Variants in SGK3 observed in about 807,000 individuals in gnomAD.
The protein encoded by SGK3 is serine/threonine-protein kinase Sgk3.
Under a neutral mutation model 68.5 loss-of-function variants are expected in SGK3, and 47 were observed. The observed-to-expected ratio is 0.69, with a 90% confidence interval of 0.54 to 0.87. SGK3 has a LOEUF of 0.87. SGK3 is among the 40% of genes least tolerant of loss of function. The pLI is 0.00. For missense variants in SGK3, 479 were observed against 575.5 expected, an observed-to-expected ratio of 0.83 and a Z score of 1.72; for synonymous variants, 181 against 189.1, an observed-to-expected ratio of 0.96 and a Z score of 0.35.
chr8:66,805,823 C>T (rs1312209492), intron 4 of SGK3, among the ~76,000 whole-genome samples: 2 of 152,200 alleles, frequency 1.3e-5, no homozygotes, highest in Non-Finnish European at 2.9e-5. Context: ...ACTGATAATA[C>T]CTCACATGTC....
chr8:66,755,566 C>G (rs2130443967), intron 1 of SGK3, among the ~76,000 whole-genome samples: 1 of 152,200 alleles, frequency 6.6e-6, no homozygotes, highest in Non-Finnish European at 1.5e-5. Flanking sequence ...CTGCTGGTCT[C>G]AGAATCCTTC....
chr8:66,793,760 C>G lies in SGK3; in HGVS notation c.24C>G (p.Asp8Glu), dbSNP rs1485724176. The change falls in exon 2 of 17, where the codon GAC becomes GAG. Residue 8 changes from aspartate to glutamate, a missense_variant. Physicochemically the swap from Asp to Glu is conservative, Grantham distance 45. Transcript: ENST00000521198. Reference sequence around the variant, plus strand: ...AAATGCAAAGAGATCACACCATGGACTACAAGGAAAGCTGCCCAAGTGTAA... The same window carrying G: ...AAATGCAAAGAGATCACACCATGGAGTACAAGGAAAGCTGCCCAAGTGTAA... MQRDHTMDYKESCPSVSI... is the reference protein window; with the variant it reads MQRDHTMEYKESCPSVSI... The G allele has an allele frequency of 1.2e-6, 2 of 1,613,254 alleles. No homozygotes were observed. Among genetic ancestry groups the G allele is most frequent in the South Asian group, 2.2e-5 (2 of 90,986 alleles).
intron 1 of SGK3, among the ~76,000 whole-genome samples, chr8:66,751,766 A>G (rs929028968): frequency 2.0e-5 from 3 of 151,300 alleles, no homozygotes; most frequent in Non-Finnish European, 4.4e-5. Context: ...TTATTTATTT[A>G]TTTATTTATT....
chr8:66,745,105 G>A (rs1461866668), intron 1 of SGK3, among the ~76,000 whole-genome samples: 1 of 151,516 alleles, frequency 6.6e-6, no homozygotes, highest in African/African-American at 2.4e-5. Context: ...TCTTTTAATA[G>A]ACAAAACCCA....
At chr8:66,766,255 G>A (rs1806314217) in intron 1 of SGK3, among the ~76,000 whole-genome samples, 2 of 152,060 alleles carry the variant, frequency 1.3e-5, no homozygotes, top group Admixed American at 1.3e-4. Flanking sequence ...GGGTGTGGTG[G>A]CTCACACCTG....
chr8:66,824,515 G>A (rs1377270821), intron 6 of SGK3, among the ~76,000 whole-genome samples: 1 of 151,926 alleles, frequency 6.6e-6, no homozygotes, highest in Non-Finnish European at 1.5e-5. Flanking sequence ...GGTAAAACAA[G>A]CACCCTTGGT....
chr8:66,854,938 C>A (rs1328260107), intron 16 of SGK3, among the ~76,000 whole-genome samples: 2 of 151,926 alleles, frequency 1.3e-5, no homozygotes. Flanking sequence ...TTTTTGAGCC[C>A]AGGAGTTCAA....
chr8:66,843,459 C>T lies in SGK3; in HGVS notation c.986C>T (p.Ala329Val). 6.2e-7 allele frequency: 1 copy of T among 1,613,072 alleles called. No homozygotes were observed. Residue 329 changes from alanine to valine, a missense_variant, in exon 14 of 17, where the codon GCA becomes GTA. Around this residue, in one of 3 missense-constraint regions of SGK3, gnomAD observed 173 missense variants for 214.3 expected, o/e 0.81. Coordinates refer to ENST00000521198, the MANE Select transcript of SGK3 (RefSeq NM_001033578.3). ...TTTTATTGTTTTCTATAGTATCTTG[C>T]ACCTGAAGTAATTAGAAAACAGCCC... ...TTFCGTPEYL[A>V]PEVIRKQPYD...
chr8:66,847,115 C>T, intron 14 of SGK3, 78 bp from the exon 15 acceptor site: 2 of 1,548,970 alleles, frequency 1.3e-6, no homozygotes, highest in Non-Finnish European at 1.7e-6. Context: ...ACTGCTCCCT[C>T]AAGATTAAAG....
chr8:66,749,713 A>G (rs1055548407), intron 1 of SGK3, among the ~76,000 whole-genome samples: 1 of 152,074 alleles, frequency 6.6e-6, no homozygotes, highest in Non-Finnish European at 1.5e-5. Flanking sequence ...TTGAAATTAG[A>G]GACGATTGAT....
intron 1 of SGK3, among the ~76,000 whole-genome samples, chr8:66,717,383 G>T (rs960411722): frequency 1.3e-5 from 2 of 152,036 alleles, no homozygotes; most frequent in African/African-American, 4.8e-5. Flanking sequence ...TACAAAATTA[G>T]CTGGGGATGG....
In SGK3 at chr8:66,859,622, T is replaced by C. The variant is rs774511558; in HGVS notation, c.*41T>C. 3 of 1,559,426 alleles carry C rather than the reference T, an allele frequency of 1.9e-6. No homozygotes were observed. Among genetic ancestry groups the C allele is most frequent in the African/African-American group, 1.4e-5 (1 of 73,910 alleles). On this transcript the variant is annotated 3_prime_UTR_variant, in exon 17 of 17. Coordinates refer to ENST00000521198, the MANE Select transcript of SGK3 (RefSeq NM_001033578.3). ...GAAACCATTGAGCAAAATAAGTCTA[T>C]AGATGGGACTGAAACTTCTATTTGT...
chr8:66,857,048 A>G (rs560977906), intron 16 of SGK3, among the ~76,000 whole-genome samples: 2 of 152,262 alleles, frequency 1.3e-5, no homozygotes, highest in East Asian at 3.9e-4. Context: ...AGCCAAGATC[A>G]CGCCACTGCA....
intron 1 of SGK3, among the ~76,000 whole-genome samples, chr8:66,744,902 T>C (rs558836688): frequency 1.3e-5 from 2 of 152,110 alleles, no homozygotes; most frequent in African/African-American, 2.4e-5. Context: ...AACCTTGGCA[T>C]TTTTTGTCTG....
intron 3 of SGK3, among the ~76,000 whole-genome samples, chr8:66,801,767 C>T (rs545610681): frequency 7.9e-5 from 12 of 152,136 alleles, no homozygotes; most frequent in African/African-American, 2.2e-4. Flanking sequence ...CTTCTAAAGA[C>T]GTCTTTTGTG....
chr8:66,832,254 G>A (rs963003176), intron 8 of SGK3, among the ~76,000 whole-genome samples: 1 of 152,140 alleles, frequency 6.6e-6, no homozygotes, highest in Non-Finnish European at 1.5e-5. Context: ...AGGGTTAACA[G>A]GAAAGTATCA....
At chr8:66,828,566 G>A in intron 6 of SGK3, 88 bp from the exon 7 acceptor site, 1 of 1,570,582 alleles carries the variant, frequency 6.4e-7, no homozygotes, top group East Asian at 2.2e-5. Flanking sequence ...AAATATTTGT[G>A]GTACAGTTAT....
Position 66,804,357 on chromosome 8 carries a change from T to G in SGK3, c.181-18T>G, listed in dbSNP as rs754768333. 14 of 1,596,860 alleles carry G rather than the reference T, an allele frequency of 8.8e-6. No homozygotes were observed. The South Asian group carries it at 1.0e-4, about 12-fold the overall frequency. The stretch of plus-strand genomic sequence containing the variant: ...CTTATAAAATTAGTTCATATAATGT[T>G]ATTTTTAAAAATTTTAGTTAAAAAA... On this transcript the variant is annotated intron_variant, in intron 3 of 16. Transcript: ENST00000521198.
chr8:66,791,982 A>G (rs1190758297), intron 1 of SGK3, among the ~76,000 whole-genome samples: 2 of 151,922 alleles, frequency 1.3e-5, no homozygotes, highest in Non-Finnish European at 2.9e-5. Flanking sequence ...CTCTTTGTTG[A>G]GGAGAGACCA....
Sources: gnomAD v4.1 joint callset for allele counts (sites outside exome capture counted in the v4.1 genomes callset) on GRCh38, gnomAD v4.1.1 for gene constraint, gnomAD v4.1.1 regional missense constraint, MANE v1.5 for transcripts, NCBI Gene and HGNC (gene_info 2026-07-23, HGNC 2026-07-21) for gene names.